The following GRIP1 variants were observed in gnomAD, a reference collection of about 807,000 sequenced individuals.
The protein encoded by GRIP1 is glutamate receptor-interacting protein 1.
In GRIP1, 45 loss-of-function variants were observed where a neutral mutation model predicts 129.9. The observed-to-expected ratio is 0.35, with a 90% confidence interval of 0.27 to 0.44. GRIP1 has a LOEUF of 0.44. Among genes scored for constraint, GRIP1 ranks in the 20% least tolerant of loss-of-function variants. The pLI is 1.00. For synonymous variants in GRIP1, 530 were observed against 520.8 expected (o/e 1.02, Z -0.24); for missense variants, 1,196 against 1,396.8 (o/e 0.86, Z 2.29).
At chr12:66,725,910 C>A (rs2036240296) in intron 1 of GRIP1, among the ~76,000 whole-genome samples, 1 of 152,048 alleles carries the variant, frequency 6.6e-6, no homozygotes, top group Non-Finnish European at 1.5e-5. Flanking sequence ...TTCAATAAAC[C>A]CCTTCTTTTA....
At chr12:66,878,447 C>G (rs2040418899) in intron 1 of GRIP1, among the ~76,000 whole-genome samples, 1 of 151,824 alleles carries the variant, frequency 6.6e-6, no homozygotes, top group Admixed American at 6.6e-5. Context: ...GAAGAAATAA[C>G]TGGAACCAAA....
intron 7 of GRIP1, among the ~76,000 whole-genome samples, chr12:66,512,621 C>A (rs984267717): frequency 4.5e-5 from 6 of 132,096 alleles, no homozygotes; most frequent in African/African-American, 1.8e-4. Flanking sequence ...AGCCAATAAA[C>A]AAAAAACTAA....
At chr12:66,869,740 G>C (rs2040264917) in intron 1 of GRIP1, among the ~76,000 whole-genome samples, 1 of 152,088 alleles carries the variant, frequency 6.6e-6, no homozygotes. Context: ...AACAATTTGG[G>C]GCAGTGATGA....
intron 1 of GRIP1, among the ~76,000 whole-genome samples, chr12:67,061,807 T>A (rs1592531075): frequency 6.6e-6 from 1 of 152,196 alleles, no homozygotes; most frequent in East Asian, 1.9e-4. Context: ...TGGTTCCTTA[T>A]TTTTATATTA....
chr12:67,004,971 A>G (rs1440475406), intron 1 of GRIP1, among the ~76,000 whole-genome samples: 2 of 152,132 alleles, frequency 1.3e-5, no homozygotes, highest in Admixed American at 6.6e-5. Context: ...TTCCAGTGCA[A>G]CCATGAGAGC....
chr12:66,439,115 G>A (rs940890933), intron 13 of GRIP1, among the ~76,000 whole-genome samples: 1 of 152,180 alleles, frequency 6.6e-6, no homozygotes, highest in Admixed American at 6.6e-5. Flanking sequence ...CTACTGCAAA[G>A]CTTCTTCTGT....
rs370212622 is a variant in GRIP1, at chr12:66,918,815, C to T, written c.58+150235G>A. Among the ~76,000 whole-genome samples the T allele has an allele frequency of 7.2e-5, 11 of 152,216 alleles. No homozygotes were observed. The East Asian group carries it at 9.6e-4, about 13-fold the overall frequency. ...CTTCATTTGGCAACTTTCTCCAAAA[C>T]TCCAAGAATATCATTAATTCTACAA... is the stretch of plus-strand genomic sequence containing the variant. On this transcript the variant is annotated intron_variant, in intron 1 of 1. Transcript: ENST00000643019.
At chr12:66,670,191 G>A (rs374092730) in intron 1 of GRIP1, among the ~76,000 whole-genome samples, 12 of 152,120 alleles carry the variant, frequency 7.9e-5, no homozygotes, top group African/African-American at 2.4e-4. Flanking sequence ...ACATTGCACC[G>A]CATACAACCA....
chr12:66,928,236 T>G (rs2041328722), intron 1 of GRIP1, among the ~76,000 whole-genome samples: 1 of 152,236 alleles, frequency 6.6e-6, no homozygotes, highest in Non-Finnish European at 1.5e-5. Context: ...AAAGAAAATG[T>G]GCTTTTAACA....
At chr12:66,504,066 AATG>A (rs755704672) in intron 7 of GRIP1, among the ~76,000 whole-genome samples, 19 of 152,152 alleles carry the variant, frequency 1.2e-4, no homozygotes, top group Non-Finnish European at 2.2e-4. Context: ...CTGTCAGGGA[AATG>A]ATTTGGACAA....
At chr12:66,620,586 T>C (rs1371085077) in intron 1 of GRIP1, among the ~76,000 whole-genome samples, 1 of 152,168 alleles carries the variant, frequency 6.6e-6, no homozygotes, top group East Asian at 1.9e-4. Flanking sequence ...GCTGGTGGGA[T>C]TGATTTTACA....
chr12:66,418,525 T>C (rs138108231), intron 15 of GRIP1, among the ~76,000 whole-genome samples: 1,648 of 152,160 alleles, frequency 0.011, 32 homozygotes, highest in African/African-American at 0.038. Context: ...GGATAAAATA[T>C]TTGCAAACTA....
At chr12:66,804,859 T>C (rs558737092), upstream of GRIP1, among the ~76,000 whole-genome samples, 1 of 152,362 alleles carries the variant, frequency 6.6e-6, no homozygotes, top group African/African-American at 2.4e-5. Flanking sequence ...GTTTCATCCA[T>C]ATGCACAGCC....
At chr12:66,750,679 C>T (rs148891101) in intron 1 of GRIP1, among the ~76,000 whole-genome samples, 297 of 152,292 alleles carry the variant, frequency 2.0e-3, no homozygotes, top group African/African-American at 6.5e-3. Flanking sequence ...CAGAGAGCTG[C>T]ATTAGAATAA....
intron 1 of GRIP1, among the ~76,000 whole-genome samples, chr12:66,729,786 G>T (rs2036374016): frequency 1.3e-5 from 2 of 152,102 alleles, no homozygotes; most frequent in Admixed American, 6.5e-5. Flanking sequence ...GTGTTAGCCA[G>T]CATGGTCTCG....
At chr12:66,449,352 A>C (rs983269238) in intron 11 of GRIP1, among the ~76,000 whole-genome samples, 11 of 152,238 alleles carry the variant, frequency 7.2e-5, no homozygotes, top group Admixed American at 2.6e-4. Flanking sequence ...CTGAGTTACC[A>C]TAAGGAACTA....
intron 1 of GRIP1, among the ~76,000 whole-genome samples, chr12:66,788,123 A>G (rs1390060138): frequency 6.6e-6 from 1 of 152,160 alleles, no homozygotes; most frequent in Admixed American, 6.6e-5. Context: ...ATTCAAGACT[A>G]TTTAGAAAGC....
At chr12:67,057,436 T>TAAA (rs71088237) in intron 1 of GRIP1, among the ~76,000 whole-genome samples, 1,414 of 126,768 alleles carry the variant, frequency 0.011, 25 homozygotes, top group Middle Eastern at 0.04. Context: ...TCCAAGAACG[T>TAAA]AAAAAAAAAA....
intron 1 of GRIP1, among the ~76,000 whole-genome samples, chr12:66,838,806 A>G (rs758645399): frequency 2.0e-5 from 3 of 152,210 alleles, no homozygotes; most frequent in Non-Finnish European, 4.4e-5. Flanking sequence ...ACCAAGTAAG[A>G]AAGGATGACA....
Sources: allele counts gnomAD v4.1 joint callset (sites outside exome capture counted in the v4.1 genomes callset), GRCh38; gene constraint gnomAD v4.1.1; transcripts MANE v1.5; gene names NCBI Gene and HGNC (gene_info 2026-07-23, HGNC 2026-07-21).